The following HEATR5A variants were observed in gnomAD, a reference collection of about 807,000 sequenced individuals.
HEATR5A encodes HEAT repeat containing 5A.
A neutral mutation model predicts 218.8 loss-of-function variants in HEATR5A; 178 were observed. The observed-to-expected ratio is 0.81, with a 90% CI of 0.72 to 0.92. The LOEUF is 0.92. HEATR5A is among the 40% of genes least tolerant of loss of function. The pLI, the probability that HEATR5A is intolerant of heterozygous loss-of-function variation, is 0.00. For missense variants in HEATR5A, 2,420 were observed against 2,418.9 expected (o/e 1.00, Z -0.01); for synonymous variants, 864 against 871.6 (o/e 0.99, Z 0.15).
chr14:31,416,194 T>G (rs1401142915), intron 1 of HEATR5A, among the ~76,000 whole-genome samples: 3 of 152,076 alleles, frequency 2.0e-5, no homozygotes, highest in Non-Finnish European at 4.4e-5. Flanking sequence ...CTCGGCTCAC[T>G]GCAACCTCCA....
chr14:31,408,631 T>C (rs867902270), intron 1 of HEATR5A, among the ~76,000 whole-genome samples: 29 of 152,190 alleles, frequency 1.9e-4, no homozygotes, highest in Non-Finnish European at 1.5e-4. Context: ...TAAGTACCAG[T>C]CTTCAAATGT....
At chr14:31,306,942 A>G in intron 30 of HEATR5A, 63 bp from the exon 31 acceptor site, 1 of 1,312,366 alleles carries the variant, frequency 7.6e-7, no homozygotes, top group South Asian at 1.6e-5. Context: ...TGTAAAAAAT[A>G]CCAATGCTAA....
chr14:31,294,130 C>CAAAT (rs1182392825), intron 34 of HEATR5A, 26 bp from the exon 35 acceptor site: 1 of 1,402,174 alleles, frequency 7.1e-7, no homozygotes, highest in East Asian at 2.5e-5. Flanking sequence ...AAAAGAATAG[C>CAAAT]AAATACTATA....
intron 20 of HEATR5A, among the ~76,000 whole-genome samples, chr14:31,344,268 C>CTTTTTTTTTTTTTTTTTTTTTTTTTTTT (rs577497140): frequency 3.9e-5 from 2 of 50,830 alleles, no homozygotes; most frequent in African/African-American, 6.7e-5. Flanking sequence ...ATTAGTTATT[C>CTTTTTTTTTTTTTTTTTTTTTTTTTTTT]TTTTTTTTTT....
At chr14:31,322,217 C>T (rs1900130076) in intron 24 of HEATR5A, among the ~76,000 whole-genome samples, 1 of 152,128 alleles carries the variant, frequency 6.6e-6, no homozygotes, top group Non-Finnish European at 1.5e-5. Flanking sequence ...TTCATTCCTA[C>T]AACACATTGT....
chr14:31,383,477 AC>A, intron 10 of HEATR5A, 43 bp downstream of exon 10: 1 of 1,550,232 alleles, frequency 6.5e-7, no homozygotes, highest in Non-Finnish European at 8.7e-7. Flanking sequence ...GATACTTCTA[AC>A]AAAAAGCACC....
At chr14:31,381,609 C>T (rs1465606537) in intron 10 of HEATR5A, among the ~76,000 whole-genome samples, 1 of 149,450 alleles carries the variant, frequency 6.7e-6, no homozygotes, top group African/African-American at 2.5e-5. Context: ...AGAGTGAGAT[C>T]CTATCTTCAC....
intron 23 of HEATR5A, among the ~76,000 whole-genome samples, chr14:31,324,292 T>C (rs1403819294): frequency 6.6e-6 from 1 of 152,180 alleles, no homozygotes; most frequent in Non-Finnish European, 1.5e-5. Flanking sequence ...GATAGACTCA[T>C]TGCTACCATT....
Position 31,344,053 on chromosome 14 carries a change from G to T in HEATR5A, c.3071C>A (p.Ser1024Ter). The change falls in exon 21 of 36, where the codon TCA (serine) becomes TAA (stop). Residue 1024 changes from serine to a stop codon, truncating the protein, a stop_gained. Transcript: ENST00000543095. LOFTEE classifies it high-confidence loss of function. ...LGPELQGNST[S>*]ISTLRTSCLL... ...ACAGGAAGTCCTTAAGGTAGAAATT[G>T]AAGTACTGTTACCTAAAATAAAAAG... is the stretch of plus-strand genomic sequence containing the variant. 6.5e-7 allele frequency: 1 copy of T among 1,529,378 alleles called. No homozygotes were observed. Among genetic ancestry groups the T allele is most frequent in the Non-Finnish European group, 8.8e-7 (1 of 1,136,898 alleles). The allele number at this position is 1,529,378 out of a possible 1,614,324, so 94.7% of individuals were successfully genotyped here.
At chr14:31,404,488 T>A (rs1038980487) in intron 1 of HEATR5A, among the ~76,000 whole-genome samples, 2 of 149,120 alleles carry the variant, frequency 1.3e-5, no homozygotes, top group South Asian at 2.1e-4. Flanking sequence ...TCATCATAAT[T>A]ATAATATAAC....
intron 34 of HEATR5A, among the ~76,000 whole-genome samples, chr14:31,295,255 C>CT (rs576889453): frequency 2.6e-5 from 4 of 151,732 alleles, no homozygotes; most frequent in South Asian, 4.2e-4. Flanking sequence ...GTGCTGGAGT[C>CT]TTTTTTTTGA....
At chr14:31,358,585 C>T in intron 16 of HEATR5A, 52 bp downstream of exon 16, 1 of 1,466,464 alleles carries the variant, frequency 6.8e-7, no homozygotes. Flanking sequence ...CAACATTCTT[C>T]TTACCCACCA....
intron 34 of HEATR5A, among the ~76,000 whole-genome samples, chr14:31,294,433 T>TTTC (rs1555365594): frequency 1.3e-5 from 2 of 150,998 alleles, no homozygotes; most frequent in Admixed American, 1.3e-4. Flanking sequence ...TGTAACATTT[T>TTTC]TTTTTTTTTT....
chr14:31,315,644 TTC>T (rs1899890551), intron 27 of HEATR5A, 124 bp downstream of exon 27: 1 of 646,302 alleles, frequency 1.5e-6, no homozygotes, highest in Non-Finnish European at 2.5e-6. Flanking sequence ...CATGTTGGAA[TTC>T]TTTTTGTTTA....
intron 22 of HEATR5A, among the ~76,000 whole-genome samples, chr14:31,336,656 A>G (rs1342824116): frequency 6.6e-6 from 1 of 152,152 alleles, no homozygotes; most frequent in African/African-American, 2.4e-5. Flanking sequence ...AAAACTCTTT[A>G]ACTTGTAGCA....
Position 31,364,206 on chromosome 14 carries a change from G to A in HEATR5A, c.2054C>T (p.Pro685Leu), listed in dbSNP as rs764214173. The stretch of plus-strand genomic sequence containing the variant: ...GCACATACCTTCATAGGTCTCAGGA[G>A]GTAATAAAATCAACAGTTCATAAAG... ...QRLYELLILLPPETYEGNLCA... is the reference protein window; with the variant it reads ...QRLYELLILLLPETYEGNLCA... Residue 685 changes from proline to leucine, a missense_variant, in exon 14 of 36, where the codon CCT becomes CTT. Pro to Leu is a moderately conservative substitution (Grantham distance 98). Transcript: ENST00000543095. 40 of 1,520,920 alleles carry A rather than the reference G, an allele frequency of 2.6e-5. No homozygotes were observed. Among genetic ancestry groups the A allele is most frequent in the Non-Finnish European group, 3.4e-5 (38 of 1,120,168 alleles). The allele number at this position is 1,520,920 out of a possible 1,614,324, so 94.2% of individuals were successfully genotyped here.
At chr14:31,314,420 A>ATT (rs573540802) in intron 27 of HEATR5A, among the ~76,000 whole-genome samples, 3 of 148,092 alleles carry the variant, frequency 2.0e-5, no homozygotes, top group Non-Finnish European at 3.0e-5. Context: ...CGCCTGGCTA[A>ATT]TTTTTTTTTT....
At chr14:31,370,792 T>C (rs1043785317) in intron 13 of HEATR5A, among the ~76,000 whole-genome samples, 1 of 152,166 alleles carries the variant, frequency 6.6e-6, no homozygotes, top group Non-Finnish European at 1.5e-5. Flanking sequence ...AAACATAATG[T>C]TGAATAACAA....
At chr14:31,303,866 G>C (rs1899468376) in intron 32 of HEATR5A, among the ~76,000 whole-genome samples, 1 of 152,152 alleles carries the variant, frequency 6.6e-6, no homozygotes, top group Admixed American at 6.5e-5. Flanking sequence ...CTGAAAAAAG[G>C]TAACGATTAG....
Sources: allele counts gnomAD v4.1 joint callset (sites outside exome capture counted in the v4.1 genomes callset), GRCh38; gene constraint gnomAD v4.1.1; transcripts MANE v1.5; gene names NCBI Gene and HGNC (gene_info 2026-07-23, HGNC 2026-07-21).